The following ATP2A1 variants were observed in gnomAD, a reference collection of about 807,000 sequenced individuals.
ATP2A1 encodes ATPase sarcoplasmic/endoplasmic reticulum Ca2+ transporting 1.
In ATP2A1, 83 loss-of-function variants were observed where a neutral mutation model predicts 109.5. That is an observed-to-expected ratio of 0.76 (90% confidence interval 0.63 to 0.91). The LOEUF (loss-of-function observed/expected upper bound fraction) is 0.91. Ranked by LOEUF, ATP2A1 falls within the 40% of genes least tolerant of loss-of-function variation. The probability of loss-of-function intolerance (pLI) is 0.00; values close to 1 mark genes in which losing one functional copy is unlikely to be tolerated. For synonymous variants in ATP2A1, 505 were observed against 537.6 expected (o/e 0.94, Z 0.84); for missense variants, 1,101 against 1,341.0 (o/e 0.82, Z 2.80).
rs548410041 is a variant in ATP2A1 at position 28,880,238 on chromosome 16, G to A, written c.219+655G>A. ...CCTGGGGGCTACTCCCCATCCCGCG[G>A]TCCATCTGCATGTCGCGGGTTCTTC... is the stretch of plus-strand genomic sequence containing the variant. On this transcript the variant is annotated intron_variant, in intron 3 of 22. Transcript: ENST00000395503. This position sits in a 1 kb window ranked among gnomAD's most constrained non-coding sequence, Gnocchi z 4.2. 1.5e-6 allele frequency: 1 copy of A among 670,022 alleles called. No individual in the cohort carries two copies. Among genetic ancestry groups the A allele is most frequent in the South Asian group, 6.2e-5 (1 of 16,214 alleles). The allele number at this position is 670,022 out of a possible 1,614,324, so 41.5% of individuals were successfully genotyped here.
intron 12 of ATP2A1, among the ~76,000 whole-genome samples, chr16:28,897,640 T>C (rs1274457853): frequency 6.6e-6 from 1 of 152,168 alleles, no homozygotes; most frequent in Non-Finnish European, 1.5e-5. Context: ...CAGCTAATTT[T>C]TGTATTTTTA....
intron 4 of ATP2A1, among the ~76,000 whole-genome samples, chr16:28,881,856 G>A (rs116194419): frequency 0.011 from 1,702 of 151,622 alleles, 28 homozygotes; most frequent in African/African-American, 0.038. Context: ...TGTTACAGGC[G>A]CAGCAGAGCC....
intron 8 of ATP2A1, among the ~76,000 whole-genome samples, chr16:28,888,248 G>C (rs1015813619): frequency 4.0e-5 from 6 of 151,492 alleles, no homozygotes; most frequent in Non-Finnish European, 8.8e-5. Context: ...GGCCAGGCTG[G>C]TCTCGAACTC....
At chr16:28,897,156 T>C (rs991950705) in intron 12 of ATP2A1, among the ~76,000 whole-genome samples, 5 of 152,156 alleles carry the variant, frequency 3.3e-5, no homozygotes, top group African/African-American at 1.2e-4. Flanking sequence ...AATTGCTCAG[T>C]TGCACCAATT....
chr16:28,894,402 C>G, intron 10 of ATP2A1, 103 bp from the exon 11 acceptor site: 1 of 1,326,018 alleles, frequency 7.5e-7, no homozygotes, highest in Non-Finnish European at 1.1e-6. Flanking sequence ...CCCCACTGTC[C>G]TTCCTTACCC....
At chr16:28,879,258 C>A in intron 2 of ATP2A1, 142 bp downstream of exon 2, 8 of 1,154,912 alleles carry the variant, frequency 6.9e-6, no homozygotes, top group Non-Finnish European at 1.0e-5. Flanking sequence ...AGGTTAGAGT[C>A]CTGTCCGGGG....
At chr16:28,894,412 C>A in intron 10 of ATP2A1, 93 bp from the exon 11 acceptor site, 1 of 1,357,476 alleles carries the variant, frequency 7.4e-7, no homozygotes, top group Non-Finnish European at 1.0e-6. Flanking sequence ...CTTCCTTACC[C>A]TCTGCTGCCT....
chr16:28,900,370 T>C (rs1370909079), intron 14 of ATP2A1, among the ~76,000 whole-genome samples: 2 of 151,790 alleles, frequency 1.3e-5, no homozygotes, highest in East Asian at 3.9e-4. Context: ...CTGCAGGTGC[T>C]TAGATGAATG....
At chr16:28,893,221 C>CA (rs796830433) in intron 9 of ATP2A1, among the ~76,000 whole-genome samples, 8,566 of 112,600 alleles carry the variant, frequency 0.076, 655 homozygotes, top group African/African-American at 0.2. Flanking sequence ...CAATTTCTAC[C>CA]AAAAAAAAAA....
chr16:28,879,329 G>A, intron 2 of ATP2A1, 172 bp from the exon 3 acceptor site: 2 of 842,216 alleles, frequency 2.4e-6, no homozygotes, highest in Non-Finnish European at 3.9e-6. Context: ...CCCCCACTTT[G>A]CCGAGTCTGT....
intron 14 of ATP2A1, among the ~76,000 whole-genome samples, chr16:28,899,452 A>C (rs1964003157): frequency 6.6e-6 from 1 of 152,090 alleles, no homozygotes; most frequent in Admixed American, 6.6e-5. Flanking sequence ...CAGCCTGGCC[A>C]ATATGGTGAA....
rs776474281 is a variant in ATP2A1, at chr16:28,902,913, TG to T, written c.2744+7del. The T allele has an allele frequency of 4.3e-6, 7 of 1,613,650 alleles. No homozygotes were observed. The highest frequency in any genetic ancestry group is 1.1e-5 in the South Asian group (1 of 91,064). ...CGAGATGTGCAATGCACTGAACAGGTGGGGGCCCCCCAGCTACACCCACCAC... is the reference window on the plus strand; with the variant it reads ...CGAGATGTGCAATGCACTGAACAGGTGGGGCCCCCCAGCTACACCCACCAC... On this transcript the variant is annotated splice_donor_region_variant and intron_variant, in intron 19 of 22. Transcript: ENST00000395503. The surrounding 1 kb of genome is among the most constrained non-coding windows in gnomAD (Gnocchi z 4.8).
At position 28,880,605 on chromosome 16, in the gene ATP2A1, C is replaced by T. The variant is rs927587456; in HGVS notation, c.220-310C>T. Among the ~76,000 whole-genome samples the T allele has an allele frequency of 2.0e-5, 3 of 152,226 alleles. No individual in the cohort carries two copies. Among genetic ancestry groups the T allele is most frequent in the African/African-American group, 2.4e-5 (1 of 41,456 alleles). On this transcript the variant is annotated intron_variant, in intron 3 of 22. Coordinates refer to ENST00000395503, the MANE Select transcript of ATP2A1 (RefSeq NM_004320.6). This position sits in a 1 kb window ranked among gnomAD's most constrained non-coding sequence, Gnocchi z 4.2. ...CTCCCGTGGGATGGATGTGGCTGTG[C>T]GGGGGGTTGGCCTGAGCTTCGCTTC...
chr16:28,881,086 G>C (rs1963459178), intron 4 of ATP2A1, 67 bp downstream of exon 4: 1 of 1,470,978 alleles, frequency 6.8e-7, no homozygotes, highest in Non-Finnish European at 9.5e-7. Flanking sequence ...CCTCCCTCCA[G>C]TCTCCTCCTC....
At chr16:28,894,422 T>G in intron 10 of ATP2A1, 83 bp from the exon 11 acceptor site, 4 of 1,404,294 alleles carry the variant, frequency 2.8e-6, no homozygotes, top group Non-Finnish European at 4.0e-6. Context: ...CTCTGCTGCC[T>G]GCTCTTCCTG....
At chr16:28,893,645 G>GTT (rs571392375) in intron 9 of ATP2A1, among the ~76,000 whole-genome samples, 1 of 114,768 alleles carries the variant, frequency 8.7e-6, no homozygotes, top group Non-Finnish European at 1.7e-5. Context: ...TCGTTTGTGG[G>GTT]TTTTTTTTTG....
chr16:28,894,457 GTTC>G, intron 10 of ATP2A1, 45 bp from the exon 11 acceptor site: 10 of 1,569,586 alleles, frequency 6.4e-6, no homozygotes, highest in Non-Finnish European at 8.7e-6. Context: ...CTCATTCCCT[GTTC>G]TTCTCCACTG....
intron 9 of ATP2A1, among the ~76,000 whole-genome samples, chr16:28,892,824 C>T (rs1458339345): frequency 6.6e-6 from 1 of 152,136 alleles, no homozygotes; most frequent in Non-Finnish European, 1.5e-5. Flanking sequence ...GTGAGTGGAT[C>T]ACCTGAGGTC....
rs760705868 is a variant in ATP2A1 at position 28,898,353 on chromosome 16, C to T, written c.1666C>T (p.Arg556Trp). 7.4e-6 allele frequency: 12 copies of T among 1,614,050 alleles called. No homozygotes were observed. Among genetic ancestry groups the T allele is most frequent in the East Asian group, 4.5e-5 (2 of 44,890 alleles). Residue 556 changes from arginine (R) to tryptophan (W), a missense_variant, in exon 14 of 23, where the codon CGG becomes TGG. By Grantham distance (101) the Arg-to-Trp change is moderately radical. Coordinates refer to ENST00000395503, the MANE Select transcript of ATP2A1 (RefSeq NM_004320.6). This position sits in a 1 kb window ranked among gnomAD's most constrained non-coding sequence, Gnocchi z 4.0. ...GGTGATCAAGGAGTGGGGCACTGGC[C>T]GGGACACCCTGCGCTGCTTGGCCCT... The part of the protein sequence containing the change: ...MAVIKEWGTG[R>W]DTLRCLALAT...
Sources: gnomAD v4.1 joint callset for allele counts (sites outside exome capture counted in the v4.1 genomes callset) on GRCh38, gnomAD v4.1.1 for gene constraint, Gnocchi (gnomAD v3.1) non-coding constraint, MANE v1.5 for transcripts, NCBI Gene and HGNC (gene_info 2026-07-23, HGNC 2026-07-21) for gene names.